Variants in ANKS1A observed in about 807,000 individuals in gnomAD.
The protein encoded by ANKS1A is ankyrin repeat and SAM domain-containing protein 1A.
Under a neutral mutation model 120.3 loss-of-function variants are expected in ANKS1A, and 55 were observed. The observed-to-expected ratio is 0.46, with a 90% CI of 0.37 to 0.57. ANKS1A has a LOEUF of 0.57. Ranked by LOEUF, ANKS1A falls within the 20% of genes least tolerant of loss-of-function variation. The pLI is 0.00. For missense variants in ANKS1A, 1,123 were observed against 1,480.3 expected (o/e 0.76, Z 3.96); for synonymous variants, 590 against 604.7 (o/e 0.98, Z 0.36).
At chr6:35,073,778 C>A (rs754245984) in intron 13 of ANKS1A, among the ~76,000 whole-genome samples, 47 of 152,286 alleles carry the variant, frequency 3.1e-4, no homozygotes, top group Admixed American at 7.2e-4. Flanking sequence ...CCCCCATGAC[C>A]CTCCTTGTGA....
Position 34,982,747 on chromosome 6 carries a change from T to C in ANKS1A, c.733-5T>C, listed in dbSNP as rs1561889408. 1 of 1,614,264 alleles carries C rather than the reference T, an allele frequency of 6.2e-7. No individual in the cohort carries two copies. The highest frequency in any genetic ancestry group is 1.7e-5 in the Admixed American group (1 of 60,030). ...TCCCGCTCTGCGCTCTCGTTTGCTTTCCAGACGGAGATGGGCAGTGCTTTG... is the reference window on the plus strand; with the variant it reads ...TCCCGCTCTGCGCTCTCGTTTGCTTCCCAGACGGAGATGGGCAGTGCTTTG... On this transcript the variant is annotated splice_polypyrimidine_tract_variant and splice_region_variant and intron_variant, in intron 4 of 23. Transcript: ENST00000360359. This position sits in a 1 kb window ranked among gnomAD's most constrained non-coding sequence, Gnocchi z 4.9.
intron 1 of ANKS1A, among the ~76,000 whole-genome samples, chr6:34,955,197 C>T (rs1291884347): frequency 2.6e-5 from 4 of 151,242 alleles, no homozygotes; most frequent in Non-Finnish European, 5.9e-5. Flanking sequence ...AGTGAGGTGG[C>T]GTGATCTTGG....
At chr6:34,907,448 A>G (rs114405405) in intron 1 of ANKS1A, among the ~76,000 whole-genome samples, 89 of 152,062 alleles carry the variant, frequency 5.9e-4, no homozygotes, top group African/African-American at 2.0e-3. Flanking sequence ...GAGAAACCCA[A>G]GTATGTGAAA....
chr6:34,909,353 A>G (rs1437401651), intron 1 of ANKS1A, among the ~76,000 whole-genome samples: 5 of 152,174 alleles, frequency 3.3e-5, no homozygotes, highest in Non-Finnish European at 2.9e-5. Flanking sequence ...CCATTGCGCC[A>G]TGCTCTATGT....
intron 1 of ANKS1A, among the ~76,000 whole-genome samples, chr6:34,953,766 G>C (rs1030566936): frequency 6.6e-6 from 1 of 152,094 alleles, no homozygotes; most frequent in East Asian, 1.9e-4. Context: ...TTGGGAAGGG[G>C]GCACAAGACA....
downstream of ANKS1A, among the ~76,000 whole-genome samples, chr6:35,095,916 CCT>C (rs1404483109): frequency 2.0e-5 from 3 of 152,186 alleles, no homozygotes; most frequent in Non-Finnish European, 2.9e-5. Flanking sequence ...CCTTTGAAAA[CCT>C]CTGTCTTCCT....
intron 1 of ANKS1A, among the ~76,000 whole-genome samples, chr6:34,952,830 C>T (rs1167867523): frequency 6.6e-6 from 1 of 151,992 alleles, no homozygotes; most frequent in Non-Finnish European, 1.5e-5. Flanking sequence ...CTGCCTCAGC[C>T]TCCTGAGTAG....
chr6:35,076,146 G>A (rs1386494101), intron 13 of ANKS1A, among the ~76,000 whole-genome samples: 1 of 152,166 alleles, frequency 6.6e-6, no homozygotes, highest in Non-Finnish European at 1.5e-5. Context: ...GAGGCTGTCC[G>A]GGCGCAGTGG....
At chr6:35,088,211 T>C (rs1181410783) in intron 23 of ANKS1A, among the ~76,000 whole-genome samples, 2 of 152,210 alleles carry the variant, frequency 1.3e-5, no homozygotes, top group Non-Finnish European at 2.9e-5. Flanking sequence ...GAAGCTGGGA[T>C]GGTGGAGCTG....
intron 11 of ANKS1A, among the ~76,000 whole-genome samples, chr6:35,035,826 G>T (rs2820232): frequency 0.34 from 52,432 of 152,100 alleles, 11,445 homozygotes; most frequent in Middle Eastern, 0.49. Flanking sequence ...GCCAGTGCTT[G>T]TTGGCTTCAT....
intron 1 of ANKS1A, among the ~76,000 whole-genome samples, chr6:34,932,833 T>G (rs1309838091): frequency 4.6e-5 from 7 of 152,262 alleles, no homozygotes; most frequent in Non-Finnish European, 1.0e-4. Flanking sequence ...AAGTTTTGTG[T>G]AGACCTATGC....
intron 10 of ANKS1A, among the ~76,000 whole-genome samples, chr6:35,000,096 T>C (rs1773080518): frequency 6.6e-6 from 1 of 152,232 alleles, no homozygotes; most frequent in African/African-American, 2.4e-5. Flanking sequence ...TTCGTAACCC[T>C]GTAACACTCT....
chr6:35,007,808 C>T (rs1474375731), intron 10 of ANKS1A, among the ~76,000 whole-genome samples: 1 of 152,196 alleles, frequency 6.6e-6, no homozygotes, highest in Non-Finnish European at 1.5e-5. Context: ...CTGAGAGCTA[C>T]GCATTTGAGT....
intron 1 of ANKS1A, 145 bp from the exon 2 acceptor site, chr6:34,967,094 G>C (rs1156394574): frequency 1.4e-5 from 10 of 691,280 alleles, no homozygotes; most frequent in Non-Finnish European, 2.3e-5. Flanking sequence ...TATAGCTGCT[G>C]TGTGTTATCA....
chr6:34,940,717 T>C (rs1769480942), intron 1 of ANKS1A, among the ~76,000 whole-genome samples: 1 of 152,000 alleles, frequency 6.6e-6, no homozygotes, highest in African/African-American at 2.4e-5. Flanking sequence ...GAGACCAGCC[T>C]AGCCAACATG....
At chr6:35,054,021 C>A (rs1395104939) in intron 11 of ANKS1A, 78 bp from the exon 12 acceptor site, 1 of 1,205,338 alleles carries the variant, frequency 8.3e-7, no homozygotes, top group Non-Finnish European at 1.2e-6. Context: ...AGGTCAGACC[C>A]CACTGGCGCT....
At chr6:34,926,948 G>T (rs1259594900) in intron 1 of ANKS1A, among the ~76,000 whole-genome samples, 2 of 152,174 alleles carry the variant, frequency 1.3e-5, no homozygotes, top group Non-Finnish European at 2.9e-5. Flanking sequence ...TAGGTGTGTG[G>T]CTCTGACACC....
intron 1 of ANKS1A, among the ~76,000 whole-genome samples, chr6:34,958,105 C>T (rs1257729129): frequency 6.6e-6 from 1 of 152,146 alleles, no homozygotes. Flanking sequence ...TCATATCGAC[C>T]TACTGACCAG....
intron 10 of ANKS1A, among the ~76,000 whole-genome samples, chr6:35,015,990 C>T (rs1773983088): frequency 6.6e-6 from 1 of 152,210 alleles, no homozygotes; most frequent in Non-Finnish European, 1.5e-5. Flanking sequence ...GGAGAGGTAC[C>T]CAGGCAGGCA....
Sources: gnomAD v4.1 joint callset for allele counts (sites outside exome capture counted in the v4.1 genomes callset) on GRCh38, gnomAD v4.1.1 for gene constraint, Gnocchi (gnomAD v3.1) non-coding constraint, MANE v1.5 for transcripts, NCBI Gene and HGNC (gene_info 2026-07-23, HGNC 2026-07-21) for gene names.